Variants in TBC1D32 observed in about 807,000 individuals in gnomAD.
TBC1D32 encodes TBC1 domain family member 32, also known as protein broad-minded.
Under a neutral mutation model 170.3 loss-of-function variants are expected in TBC1D32, and 151 were observed. That is an observed-to-expected ratio of 0.89 (90% CI 0.78 to 1.01). The LOEUF is 1.01. TBC1D32 is among the 50% of genes least tolerant of loss of function. TBC1D32 has a pLI of 0.00. For synonymous variants in TBC1D32, 498 were observed against 488.0 expected, an observed-to-expected ratio of 1.02 and a Z score of -0.27; for missense variants, 1,464 against 1,457.1, an observed-to-expected ratio of 1.00 and a Z score of -0.08.
At chr6:121,295,825 G>C (rs1013060625) in intron 10 of TBC1D32, among the ~76,000 whole-genome samples, 4 of 152,178 alleles carry the variant, frequency 2.6e-5, no homozygotes, top group African/African-American at 7.2e-5. Context: ...ATGCAGAAAA[G>C]AGGTAACATG....
intron 21 of TBC1D32, among the ~76,000 whole-genome samples, chr6:121,219,675 G>A (rs987503859): frequency 1.3e-5 from 2 of 152,132 alleles, no homozygotes; most frequent in African/African-American, 2.4e-5. Flanking sequence ...AATGACTAAC[G>A]ATAAAACTAC....
rs563623385 is a variant in TBC1D32, at chr6:121,250,700, C to T, written c.2018+4628G>A. Among the ~76,000 whole-genome samples the T allele has an allele frequency of 1.6e-4, 25 of 152,248 alleles. No individual in the cohort carries two copies. The South Asian group carries it at 5.2e-3, about 32-fold the overall frequency. On this transcript the variant is annotated intron_variant, in intron 17 of 31. Transcript: ENST00000398212. The stretch of plus-strand genomic sequence containing the variant: ...ACAAGACAAGGGTGGTCTCTCTCAC[C>T]ACTCCTACTGAACATAGTATTGGAA...
chr6:121,171,025 A>C (rs1786905235), intron 22 of TBC1D32, among the ~76,000 whole-genome samples: 2 of 152,024 alleles, frequency 1.3e-5, no homozygotes, highest in Non-Finnish European at 1.5e-5. Flanking sequence ...ATATTATTAA[A>C]AGATACAAGC....
intron 22 of TBC1D32, among the ~76,000 whole-genome samples, chr6:121,196,758 C>T (rs576876698): frequency 6.6e-6 from 1 of 152,202 alleles, no homozygotes; most frequent in East Asian, 1.9e-4. Flanking sequence ...AACTAGGTAA[C>T]AATACTTTGC....
intron 22 of TBC1D32, among the ~76,000 whole-genome samples, chr6:121,192,053 A>ATATATATATATATATATATAT (rs1158179800): frequency 1.2e-3 from 73 of 59,586 alleles, no homozygotes; most frequent in Non-Finnish European, 2.6e-3. Flanking sequence ...GTTAATACTT[A>ATATATATATATATATATATAT]ATAAACTACC....
chr6:121,247,626 T>G (rs1301837852), intron 17 of TBC1D32, among the ~76,000 whole-genome samples: 1 of 120,880 alleles, frequency 8.3e-6, no homozygotes, highest in Non-Finnish European at 1.6e-5. Context: ...AAAAAGACAT[T>G]CCACACAAAT....
chr6:121,152,905 C>A (rs1784389373), intron 24 of TBC1D32, among the ~76,000 whole-genome samples: 1 of 152,036 alleles, frequency 6.6e-6, no homozygotes. Context: ...TTCCTGTAAC[C>A]TTTTATCAAG....
At chr6:121,277,487 C>CAAAAAAA (rs755504493) in intron 15 of TBC1D32, among the ~76,000 whole-genome samples, 6 of 28,196 alleles carry the variant, frequency 2.1e-4, no homozygotes, top group East Asian at 1.7e-3. Context: ...GACTCCATCT[C>CAAAAAAA]AAAAAAAAAA....
At chr6:121,258,895 C>G (rs533813225) in intron 15 of TBC1D32, among the ~76,000 whole-genome samples, 12 of 151,770 alleles carry the variant, frequency 7.9e-5, no homozygotes, top group Non-Finnish European at 1.5e-4. Context: ...ATACTTTTAA[C>G]TGGACCATGA....
Position 121,292,687 on chromosome 6 carries a change from C to T in TBC1D32, c.1232-494G>A, listed in dbSNP as rs149299516. Among the ~76,000 whole-genome samples the T allele has an allele frequency of 3.5e-4, 53 of 152,242 alleles. No individual in the cohort carries two copies. The East Asian group carries it at 8.7e-3, about 25-fold the overall frequency. ...CACAGAAGATAACAGAATTAAGACA[C>T]CAATCTAAAACAAAACATCTCTTCT... is the stretch of plus-strand genomic sequence containing the variant. On this transcript the variant is annotated intron_variant, in intron 11 of 31. Transcript: ENST00000398212.
Position 121,080,622 on chromosome 6 carries a change from T to C in TBC1D32, c.*149A>G, listed in dbSNP as rs935732365. ...AAAATGAATTCACAAATTGAGCTCA[T>C]ACCTACTTAAATATATCGTTATACT... On this transcript the variant is annotated 3_prime_UTR_variant, in exon 32 of 32. Coordinates refer to ENST00000398212, the MANE Select transcript of TBC1D32 (RefSeq NM_152730.6). The C allele has an allele frequency of 2.0e-6, 2 of 994,266 alleles. No homozygotes were observed. The highest frequency in any genetic ancestry group is 2.2e-5 in the South Asian group (1 of 45,190). The allele number at this position is 994,266 out of a possible 1,614,324, so 61.6% of individuals were successfully genotyped here. A position where few individuals can be genotyped will look rare whatever the true frequency, so the allele number is the denominator to read the frequency against.
chr6:121,243,686 A>C (rs2128367100), intron 17 of TBC1D32, among the ~76,000 whole-genome samples: 1 of 152,166 alleles, frequency 6.6e-6, no homozygotes, highest in East Asian at 1.9e-4. Flanking sequence ...AATGGGTCAC[A>C]AAGTAAGTTC....
At chr6:121,095,755 C>G (rs1777327597) in intron 30 of TBC1D32, among the ~76,000 whole-genome samples, 2 of 152,118 alleles carry the variant, frequency 1.3e-5, no homozygotes, top group African/African-American at 4.8e-5. Flanking sequence ...GTATGTTGAA[C>G]CAGTCTTGCA....
At position 121,115,211 on chromosome 6, in the gene TBC1D32, A is replaced by G; in HGVS notation, c.3014T>C (p.Leu1005Pro). 1 of 1,601,578 alleles carries G rather than the reference A, an allele frequency of 6.2e-7. No individual in the cohort carries two copies. The highest frequency in any genetic ancestry group is 8.5e-7 in the Non-Finnish European group (1 of 1,172,462). The change falls in exon 27 of 32, where the codon CTT becomes CCT. Residue 1005 changes from leucine (L) to proline (P), a missense_variant. Physicochemically the swap from Leu to Pro is moderately conservative, Grantham distance 98 (BLOSUM62 -3). Coordinates refer to ENST00000398212, the MANE Select transcript of TBC1D32 (RefSeq NM_152730.6). ...AATGCCAAGCTGCTGCACAGATGAAAGACTTTCATTCTTCACATTTGCATC... is the reference window on the plus strand; with the variant it reads ...AATGCCAAGCTGCTGCACAGATGAAGGACTTTCATTCTTCACATTTGCATC... ...ATDANVKNES[L>P]SSVQQLGIKM...
chr6:121,275,376 C>T (rs1485019453), intron 15 of TBC1D32, among the ~76,000 whole-genome samples: 1 of 152,070 alleles, frequency 6.6e-6, no homozygotes, highest in Non-Finnish European at 1.5e-5. Context: ...TGTATGCATA[C>T]ATAACTCAAT....
At chr6:121,273,581 A>G (rs1801801669) in intron 15 of TBC1D32, among the ~76,000 whole-genome samples, 1 of 151,962 alleles carries the variant, frequency 6.6e-6, no homozygotes, top group Non-Finnish European at 1.5e-5. Flanking sequence ...ACACACATAT[A>G]CATATGTAAA....
chr6:121,137,398 G>A (rs1480600402), intron 24 of TBC1D32, among the ~76,000 whole-genome samples: 1 of 150,334 alleles, frequency 6.7e-6, no homozygotes, highest in Non-Finnish European at 1.5e-5. Flanking sequence ...AATGAGTAAG[G>A]TAGAGAAAGA....
intron 24 of TBC1D32, among the ~76,000 whole-genome samples, chr6:121,136,083 C>T (rs1453001432): frequency 1.3e-5 from 2 of 152,046 alleles, no homozygotes; most frequent in Non-Finnish European, 2.9e-5. Flanking sequence ...CTTGCAGATA[C>T]ATCAATTAAC....
chr6:121,189,542 C>G (rs148836146), intron 22 of TBC1D32, among the ~76,000 whole-genome samples: 1 of 151,240 alleles, frequency 6.6e-6, no homozygotes, highest in Non-Finnish European at 1.5e-5. Context: ...AATGTAAATA[C>G]ACTAATTAAG....
Sources: gnomAD v4.1 joint callset for allele counts (sites outside exome capture counted in the v4.1 genomes callset) on GRCh38, gnomAD v4.1.1 for gene constraint, MANE v1.5 for transcripts, NCBI Gene and HGNC (gene_info 2026-07-23, HGNC 2026-07-21) for gene names.